Variants in PITPNM3 observed in about 807,000 individuals in gnomAD.
The protein encoded by PITPNM3 is PITPNM family member 3.
PITPNM3 carries 26 observed loss-of-function variants against 102.0 expected under a neutral mutation model. The observed-to-expected ratio is 0.25, with a 90% CI of 0.19 to 0.35. The LOEUF (loss-of-function observed/expected upper bound fraction) is 0.35, where lower values mean the gene tolerates loss of function less well. Among genes scored for constraint, PITPNM3 ranks in the 10% least tolerant of loss-of-function variants. The probability of loss-of-function intolerance (pLI) is 1.00; values close to 1 mark genes in which losing one functional copy is unlikely to be tolerated. For missense variants in PITPNM3, 1,083 were observed against 1,346.1 expected (o/e 0.80, Z 3.06); for synonymous variants, 578 against 558.6 (o/e 1.03, Z -0.49).
At chr17:6,534,174 C>A (rs1909289804) in intron 2 of PITPNM3, among the ~76,000 whole-genome samples, 1 of 152,206 alleles carries the variant, frequency 6.6e-6, no homozygotes, top group Non-Finnish European at 1.5e-5. Flanking sequence ...CCCAGATATC[C>A]TGTCTTGACA....
At position 6,455,572 on chromosome 17, in the gene PITPNM3, G is replaced by C. The variant is rs374206848; in HGVS notation, c.2691C>G (p.Asn897Lys). The change falls in exon 20 of 20, where the codon AAC (asparagine) becomes AAG (lysine). Residue 897 changes from asparagine to lysine, a missense_variant. By Grantham distance (94) the Asn-to-Lys change is moderately conservative. This residue lies in a region of PITPNM3 where 208 missense variants were observed against 178.2 expected (regional missense o/e 1.17). Transcript: ENST00000262483. ...CCTTGCGCAGGATCATGCGCGAGTT[G>C]TTCTTCTTTGGGCGTGAGCGGTGGC... is the stretch of plus-strand genomic sequence containing the variant. ...EASHRSRPKK[N>K]NSRMILRKGS... 6.6e-5 allele frequency: 105 copies of C among 1,600,344 alleles called. No homozygotes were observed. The highest frequency in any genetic ancestry group is 8.3e-5 in the Non-Finnish European group (98 of 1,179,168).
chr17:6,461,611 C>G (rs973543947), intron 17 of PITPNM3, 55 bp from the exon 18 acceptor site: 5 of 1,581,984 alleles, frequency 3.2e-6, no homozygotes, highest in Admixed American at 3.3e-5. Context: ...CCACCTGATG[C>G]CCAGAAGCCT....
At chr17:6,476,968 C>T in intron 9 of PITPNM3, 61 bp downstream of exon 9, 4 of 1,581,896 alleles carry the variant, frequency 2.5e-6, no homozygotes, top group Non-Finnish European at 3.5e-6. Context: ...TCTGACTGGT[C>T]ACAGCCCTCC....
Position 6,469,801 on chromosome 17 carries a change from T to C in PITPNM3, c.1773+459A>G, listed in dbSNP as rs1904971367. 6.6e-6 allele frequency among the ~76,000 whole-genome samples: 1 copy of C among 152,164 alleles called. No homozygotes were observed. Among genetic ancestry groups the C allele is most frequent in the South Asian group, 2.1e-4 (1 of 4,828 alleles). On this transcript the variant is annotated intron_variant, in intron 13 of 19. Transcript: ENST00000262483. The surrounding 1 kb of genome is among the most constrained non-coding windows in gnomAD (Gnocchi z 4.0). ...CAATGGCTTCCCGTTGAACCCAATA[T>C]AAAACCATACCCCTGACCTTGGCCA... is the stretch of plus-strand genomic sequence containing the variant.
chr17:6,502,868 T>A (rs762310584), intron 4 of PITPNM3, among the ~76,000 whole-genome samples: 1 of 151,878 alleles, frequency 6.6e-6, no homozygotes, highest in East Asian at 1.9e-4. Flanking sequence ...AATGGCCACA[T>A]CTCGACCAGG....
At chr17:6,534,807 G>A (rs1195846706) in intron 2 of PITPNM3, among the ~76,000 whole-genome samples, 8 of 152,120 alleles carry the variant, frequency 5.3e-5, no homozygotes, top group Admixed American at 2.6e-4. Flanking sequence ...GGGGGATCAC[G>A]ACGGCGGTTA....
chr17:6,479,615 T>C (rs9303206), intron 6 of PITPNM3: 78,489 of 152,100 alleles, frequency 0.52, 21,783 homozygotes, highest in Middle Eastern at 0.64. Flanking sequence ...CCCCCTTAGC[T>C]CAAGCTCAGG....
chr17:6,531,217 G>T (rs892273357), intron 2 of PITPNM3, among the ~76,000 whole-genome samples: 2 of 152,158 alleles, frequency 1.3e-5, no homozygotes, highest in African/African-American at 4.8e-5. Flanking sequence ...TCTAAATGAA[G>T]ACATACATTT....
chr17:6,488,047 T>A (rs1287616824), intron 4 of PITPNM3, among the ~76,000 whole-genome samples: 3 of 152,108 alleles, frequency 2.0e-5, no homozygotes, highest in Non-Finnish European at 4.4e-5. Flanking sequence ...TCTGGCCCCT[T>A]GAGAGTTGAC....
At position 6,461,520 on chromosome 17, in the gene PITPNM3, G is replaced by A. The variant is rs1904453833; in HGVS notation, c.2343C>T (p.Ile781=). The change falls in exon 18 of 20, where the codon ATC becomes ATT. Residue 781 remains isoleucine (I), a synonymous_variant. Transcript: ENST00000262483. ...WQDLGYMILY[I]TGRPDMQKQR... is the part of the protein sequence containing the mutation. ...GCTTCTGCATGTCCGGCCGTCCCGT[G>A]ATGTAAAGGATCATGTAGCCCAAGT... The A allele has an allele frequency of 6.2e-7, 1 of 1,614,262 alleles. No individual in the cohort carries two copies. The highest frequency in any genetic ancestry group is 8.5e-7 in the Non-Finnish European group (1 of 1,180,046).
intron 3 of PITPNM3, among the ~76,000 whole-genome samples, chr17:6,508,142 G>A (rs1305592563): frequency 6.6e-6 from 1 of 152,172 alleles, no homozygotes; most frequent in Admixed American, 6.5e-5. Flanking sequence ...GAGGCCAGGA[G>A]GTGAGTGTCC....
At chr17:6,466,187 TC>T (rs546480084) in intron 14 of PITPNM3, among the ~76,000 whole-genome samples, 120 of 152,244 alleles carry the variant, frequency 7.9e-4, no homozygotes, top group African/African-American at 2.8e-3. Context: ...CTAGGTGCCA[TC>T]CCTGGCCCTG....
In PITPNM3 at chr17:6,469,512, GT is replaced by G. The variant is rs1904953902; in HGVS notation, c.1773+747del. Among the ~76,000 whole-genome samples, 1 of 152,000 alleles carries G rather than the reference GT, an allele frequency of 6.6e-6. No homozygotes were observed. Among genetic ancestry groups the G allele is most frequent in the African/African-American group, 2.4e-5 (1 of 41,350 alleles). On this transcript the variant is annotated intron_variant, in intron 13 of 19. Coordinates refer to ENST00000262483, the MANE Select transcript of PITPNM3 (RefSeq NM_031220.4). This position sits in a 1 kb window ranked among gnomAD's most constrained non-coding sequence, Gnocchi z 4.0. The stretch of plus-strand genomic sequence containing the variant: ...ACACAGAACCACCTTAGTCACTCAA[GT>G]GGGAAACAGGACGTACTGGGCTCCC...
At chr17:6,490,319 T>C (rs1906379689) in intron 4 of PITPNM3, among the ~76,000 whole-genome samples, 1 of 152,042 alleles carries the variant, frequency 6.6e-6, no homozygotes, top group African/African-American at 2.4e-5. Flanking sequence ...GAGGGTGACC[T>C]CAGACACGCT....
At chr17:6,508,996 G>C (rs752046745) in intron 3 of PITPNM3, among the ~76,000 whole-genome samples, 41 of 152,210 alleles carry the variant, frequency 2.7e-4, no homozygotes, top group Non-Finnish European at 3.8e-4. Context: ...GCTTTGCAAG[G>C]CTCATGGGCC....
At position 6,455,233 on chromosome 17, in the gene PITPNM3, GA is replaced by G; in HGVS notation, c.*104del. 13 of 1,374,750 alleles carry G rather than the reference GA, an allele frequency of 9.5e-6. No homozygotes were observed. The highest frequency in any genetic ancestry group is 1.5e-5 in the African/African-American group (1 of 68,182). The allele number at this position is 1,374,750 out of a possible 1,614,324, so 85.2% of individuals were successfully genotyped here. On this transcript the variant is annotated 3_prime_UTR_variant, in exon 20 of 20. Transcript: ENST00000262483. ...GACACTGCTGGACAGACACGGGAGG[GA>G]AAAAGCAGGAAAACGCCTGTGTCGG...
intron 6 of PITPNM3, chr17:6,480,366 C>A (rs568929542): frequency 6.6e-6 from 1 of 152,382 alleles, no homozygotes; most frequent in South Asian, 2.1e-4. Flanking sequence ...AAGGGGCTTG[C>A]CCGTGCTCTC....
intron 15 of PITPNM3, 70 bp downstream of exon 15, chr17:6,464,585 C>A (rs189468362): frequency 1.4e-6 from 2 of 1,459,590 alleles, no homozygotes; most frequent in South Asian, 1.2e-5. Context: ...TCACCCCACA[C>A]GCTATGTGGC....
Position 6,457,060 on chromosome 17 carries a change from C to T in PITPNM3, c.2619+534G>A, listed in dbSNP as rs966783134. Among the ~76,000 whole-genome samples, 8 of 147,322 alleles carry T rather than the reference C, an allele frequency of 5.4e-5. No individual in the cohort carries two copies. In the East Asian group the frequency reaches 1.2e-3, roughly 22 times the overall value. On this transcript the variant is annotated intron_variant, in intron 19 of 19. Transcript: ENST00000262483. The surrounding 1 kb of genome is among the most constrained non-coding windows in gnomAD (Gnocchi z 4.7). ...CACAGGCCATCTTGGCCGCACTGACCGTTCTAGCCCCGCCCCCCCACCTCC... is the reference window on the plus strand; with the variant it reads ...CACAGGCCATCTTGGCCGCACTGACTGTTCTAGCCCCGCCCCCCCACCTCC...
Sources: gnomAD v4.1 joint callset for allele counts (sites outside exome capture counted in the v4.1 genomes callset) on GRCh38, gnomAD v4.1.1 for gene constraint, gnomAD v4.1.1 regional missense constraint, Gnocchi (gnomAD v3.1) non-coding constraint, MANE v1.5 for transcripts, NCBI Gene and HGNC (gene_info 2026-07-23, HGNC 2026-07-21) for gene names.